Variants in ADGRL3 observed in about 807,000 individuals in gnomAD.
The protein encoded by ADGRL3 is adhesion G protein-coupled receptor L3, also known as calcium-independent alpha-latrotoxin receptor 3.
ADGRL3 carries 62 observed loss-of-function variants against 153.5 expected under a neutral mutation model. That is an observed-to-expected ratio of 0.40 (90% CI 0.33 to 0.50). The LOEUF (loss-of-function observed/expected upper bound fraction) is 0.50. Among genes scored for constraint, ADGRL3 ranks in the 20% least tolerant of loss-of-function variants. The probability of loss-of-function intolerance (pLI) is 0.47; values close to 1 mark genes in which losing one functional copy is unlikely to be tolerated. For synonymous variants in ADGRL3, 710 were observed against 672.5 expected (o/e 1.06, Z -0.86); for missense variants, 1,641 against 1,859.4 (o/e 0.88, Z 2.16).
At chr4:61,348,725 C>A (rs1193862450) in intron 1 of ADGRL3, among the ~76,000 whole-genome samples, 1 of 151,974 alleles carries the variant, frequency 6.6e-6, no homozygotes, top group Non-Finnish European at 1.5e-5. Context: ...CTTAGTAAAT[C>A]ATGACTATAC....
intron 1 of ADGRL3, among the ~76,000 whole-genome samples, chr4:61,249,268 G>A (rs1311545852): frequency 6.6e-6 from 1 of 152,110 alleles, no homozygotes; most frequent in Admixed American, 6.6e-5. Context: ...CATTCATAAG[G>A]ATTAACTGTG....
intron 8 of ADGRL3, among the ~76,000 whole-genome samples, chr4:61,743,462 A>G (rs1391802485): frequency 6.6e-6 from 1 of 152,054 alleles, no homozygotes; most frequent in Admixed American, 6.6e-5. Context: ...TTTTTAAGTG[A>G]GAATGTCTTT....
chr4:61,369,507 G>T (rs1449877935), intron 1 of ADGRL3, among the ~76,000 whole-genome samples: 1 of 151,898 alleles, frequency 6.6e-6, no homozygotes, highest in Non-Finnish European at 1.5e-5. Flanking sequence ...TTTGTCTTTG[G>T]CTCTGTTTAT....
intron 2 of ADGRL3, among the ~76,000 whole-genome samples, chr4:61,423,553 T>C (rs1470448648): frequency 2.0e-5 from 3 of 152,164 alleles, no homozygotes; most frequent in Non-Finnish European, 4.4e-5. Flanking sequence ...TCCATGAACA[T>C]AGTTTGATCT....
intron 3 of ADGRL3, among the ~76,000 whole-genome samples, chr4:61,499,417 G>A (rs966290899): frequency 1.1e-4 from 16 of 151,886 alleles, no homozygotes; most frequent in African/African-American, 3.9e-4. Flanking sequence ...TTTGTGATGT[G>A]GGAAAATAAA....
chr4:61,429,946 G>A (rs1331403495), intron 2 of ADGRL3, among the ~76,000 whole-genome samples: 1 of 152,074 alleles, frequency 6.6e-6, no homozygotes, highest in Non-Finnish European at 1.5e-5. Context: ...TAGAGTTAAA[G>A]TGATGAATCA....
intron 8 of ADGRL3, among the ~76,000 whole-genome samples, chr4:61,740,646 C>G: frequency 6.6e-6 from 1 of 152,136 alleles, no homozygotes; most frequent in East Asian, 1.9e-4. Flanking sequence ...AAAGTAGGTT[C>G]AAATTGGTAA....
chr4:61,294,421 A>G (rs973280746), intron 1 of ADGRL3, among the ~76,000 whole-genome samples: 7 of 152,112 alleles, frequency 4.6e-5, no homozygotes, highest in Non-Finnish European at 7.4e-5. Context: ...AGGCTAAGCT[A>G]TGGTGTTCTG....
chr4:61,524,923 G>A (rs549323535), intron 4 of ADGRL3, among the ~76,000 whole-genome samples: 11 of 152,170 alleles, frequency 7.2e-5, no homozygotes, highest in South Asian at 2.1e-4. Context: ...TCAAGGGTTC[G>A]TAGCTTGGGT....
At position 62,007,691 on chromosome 4, in the gene ADGRL3, C is replaced by A. The variant is rs2099166748; in HGVS notation, c.3395+9426C>A. ...GGGGCCTCATGCACAGGTATGTGGACACTGTGCCCCACACATTCAAGCTCT... is the reference window on the plus strand; with the variant it reads ...GGGGCCTCATGCACAGGTATGTGGAAACTGTGCCCCACACATTCAAGCTCT... On this transcript the variant is annotated intron_variant, in intron 21 of 26. Transcript: ENST00000683033. 5.9e-5 allele frequency among the ~76,000 whole-genome samples: 9 copies of A among 151,736 alleles called. No individual in the cohort carries two copies. The South Asian group carries it at 1.9e-3, about 32-fold the overall frequency.
chr4:61,680,686 T>C (rs2095316746), intron 6 of ADGRL3, among the ~76,000 whole-genome samples: 1 of 151,968 alleles, frequency 6.6e-6, no homozygotes, highest in African/African-American at 2.4e-5. Context: ...TTTAGAGGAA[T>C]CTTAGCTTGA....
chr4:61,723,221 A>C (rs2096270082), intron 6 of ADGRL3, among the ~76,000 whole-genome samples: 1 of 152,172 alleles, frequency 6.6e-6, no homozygotes, highest in Non-Finnish European at 1.5e-5. Flanking sequence ...AAGTATACTG[A>C]AAATCACCAA....
At position 61,767,284 on chromosome 4, in the gene ADGRL3, T is replaced by A. The variant is rs190955019; in HGVS notation, c.1399+33730T>A. Reference sequence around the variant, plus strand: ...AAGTGTCTCAGCCTAATAAGGGAACTGGGCAGGTGGGGACAACTAAAAAGG... The same window carrying A: ...AAGTGTCTCAGCCTAATAAGGGAACAGGGCAGGTGGGGACAACTAAAAAGG... On this transcript the variant is annotated intron_variant, in intron 8 of 26. Transcript: ENST00000683033. Among the ~76,000 whole-genome samples, 5 of 151,898 alleles carry A rather than the reference T, an allele frequency of 3.3e-5. No individual in the cohort carries two copies. In the East Asian group the frequency reaches 9.7e-4, roughly 29 times the overall value.
chr4:61,901,291 A>G (rs747476332), intron 11 of ADGRL3, among the ~76,000 whole-genome samples: 1 of 152,200 alleles, frequency 6.6e-6, no homozygotes, highest in African/African-American at 2.4e-5. Context: ...TTATTCCTGT[A>G]CTTTCTAAAG....
At chr4:61,704,189 G>GA (rs893380443) in intron 6 of ADGRL3, among the ~76,000 whole-genome samples, 7 of 152,188 alleles carry the variant, frequency 4.6e-5, no homozygotes, top group African/African-American at 1.7e-4. Context: ...AAGATTGATT[G>GA]AAAAAATGTA....
At chr4:62,032,102 G>A (rs1272391964) in intron 23 of ADGRL3, among the ~76,000 whole-genome samples, 1 of 151,120 alleles carries the variant, frequency 6.6e-6, no homozygotes, top group Non-Finnish European at 1.5e-5. Flanking sequence ...ACAGCTTATG[G>A]TAAAATAATA....
intron 9 of ADGRL3, among the ~76,000 whole-genome samples, chr4:61,844,050 A>G (rs1380083994): frequency 1.3e-5 from 2 of 150,936 alleles, no homozygotes; most frequent in Admixed American, 1.3e-4. Flanking sequence ...ACAGTAGACT[A>G]TATCAACGTC....
intron 2 of ADGRL3, among the ~76,000 whole-genome samples, chr4:61,400,271 GA>G (rs1246416964): frequency 1.3e-5 from 2 of 151,724 alleles, no homozygotes; most frequent in Admixed American, 1.3e-4. Flanking sequence ...TGGATTTGAG[GA>G]ATTAAAATGT....
intron 4 of ADGRL3, among the ~76,000 whole-genome samples, chr4:61,562,091 ATT>A (rs1335628740): frequency 6.6e-6 from 1 of 152,146 alleles, no homozygotes; most frequent in Non-Finnish European, 1.5e-5. Context: ...AGTTTCATGA[ATT>A]TTTTGACTTC....
Sources: gnomAD v4.1 joint callset for allele counts (sites outside exome capture counted in the v4.1 genomes callset) on GRCh38, gnomAD v4.1.1 for gene constraint, MANE v1.5 for transcripts, NCBI Gene and HGNC (gene_info 2026-07-23, HGNC 2026-07-21) for gene names.